Variants in CTPS2 observed in about 807,000 individuals in gnomAD.
CTPS2 encodes CTP synthase 2.
A neutral mutation model predicts 46.8 loss-of-function variants in CTPS2; 19 were observed. The observed-to-expected ratio is 0.41, with a 90% CI of 0.28 to 0.60. The LOEUF (loss-of-function observed/expected upper bound fraction) is 0.60. Among genes scored for constraint, CTPS2 ranks in the 20% least tolerant of loss-of-function variants. The probability of loss-of-function intolerance (pLI) is 0.35; values close to 1 mark genes in which losing one functional copy is unlikely to be tolerated. For synonymous variants in CTPS2, 151 were observed against 165.2 expected (o/e 0.91, Z 0.66); for missense variants, 286 against 447.6 (o/e 0.64, Z 3.26).
intron 14 of CTPS2, among the ~76,000 whole-genome samples, chrX:16,622,262 C>T (rs1025797340): frequency 2.0e-4 from 22 of 108,433 alleles, no homozygotes; most frequent in African/African-American, 7.4e-4. Flanking sequence ...ATTAGCCCAG[C>T]GTGGTGGTGC....
chrX:16,696,704 G>A (rs1041081337), intron 4 of CTPS2, among the ~76,000 whole-genome samples: 1 of 110,685 alleles, frequency 9.0e-6, no homozygotes, highest in African/African-American at 3.3e-5. Context: ...GCAACATAGC[G>A]AGACCCTATC....
intron 17 of CTPS2, among the ~76,000 whole-genome samples, chrX:16,595,292 T>A (rs1485828787): frequency 9.0e-6 from 1 of 111,445 alleles, no homozygotes; most frequent in Admixed American, 9.6e-5. Flanking sequence ...CTTGTTACAT[T>A]TGAAGAGAGG....
At chrX:16,631,160 C>T (rs1305960936) in intron 14 of CTPS2, among the ~76,000 whole-genome samples, 1 of 111,092 alleles carries the variant, frequency 9.0e-6, no homozygotes, top group African/African-American at 3.3e-5. Context: ...ACCAGCCTGA[C>T]CAATATGGTG....
intron 17 of CTPS2, among the ~76,000 whole-genome samples, chrX:16,595,759 C>A (rs1233222752): frequency 8.9e-6 from 1 of 112,471 alleles, no homozygotes; most frequent in Non-Finnish European, 1.9e-5. Context: ...GATTATAGAA[C>A]ATTTCTACCA....
At chrX:16,660,935 A>C in intron 13 of CTPS2, among the ~76,000 whole-genome samples, 1 of 110,361 alleles carries the variant, frequency 9.1e-6, no homozygotes, top group Admixed American at 9.7e-5. Flanking sequence ...GTCTGTAAAA[A>C]GCTATTTAAC....
At chrX:16,685,272 C>T (rs1320724615) in intron 8 of CTPS2, among the ~76,000 whole-genome samples, 1 of 111,706 alleles carries the variant, frequency 9.0e-6, no homozygotes, top group Non-Finnish European at 1.9e-5. Context: ...GGAAGCAGCA[C>T]TGGGGTCAGT....
At chrX:16,631,174 C>G (rs1001402997) in intron 14 of CTPS2, among the ~76,000 whole-genome samples, 1 of 110,989 alleles carries the variant, frequency 9.0e-6, no homozygotes, top group African/African-American at 3.3e-5. Context: ...TATGGTGAAA[C>G]CCGTCTCTAC....
chrX:16,656,566 C>T (rs764151330), intron 13 of CTPS2, among the ~76,000 whole-genome samples: 114 of 111,150 alleles, frequency 1.0e-3, no homozygotes, highest in Non-Finnish European at 1.9e-3. Flanking sequence ...CCCGCCACCA[C>T]GCCCGGCTAA....
At chrX:16,621,301 C>CG (rs1930817350) in intron 14 of CTPS2, among the ~76,000 whole-genome samples, 1 of 4,604 alleles carries the variant, frequency 2.2e-4, no homozygotes, top group African/African-American at 1.0e-3. Context: ...CGGGGCTTGT[C>CG]GGGGGGTAGG....
At chrX:16,695,841 A>G (rs1924088562) in intron 4 of CTPS2, among the ~76,000 whole-genome samples, 1 of 110,062 alleles carries the variant, frequency 9.1e-6, no homozygotes, top group East Asian at 2.9e-4. Context: ...GTGAGCCACC[A>G]CACCCGGCCC....
intron 13 of CTPS2, among the ~76,000 whole-genome samples, chrX:16,641,233 A>T (rs1932064629): frequency 8.9e-6 from 1 of 111,959 alleles, no homozygotes; most frequent in African/African-American, 3.2e-5. Context: ...CTTCCATTTA[A>T]GTTTCAGACA....
chrX:16,679,944 C>A (rs1390498852), intron 9 of CTPS2, among the ~76,000 whole-genome samples: 1 of 111,461 alleles, frequency 9.0e-6, no homozygotes, highest in Non-Finnish European at 1.9e-5. Context: ...TGAGACACCA[C>A]TGAAAGATCT....
chrX:16,605,758 C>T (rs981385340), intron 17 of CTPS2, among the ~76,000 whole-genome samples: 7 of 112,800 alleles, frequency 6.2e-5, no homozygotes, highest in Non-Finnish European at 1.3e-4. Context: ...GCTATGAGTA[C>T]AGCTATATTC....
intron 10 of CTPS2, 104 bp from the exon 11 acceptor site, chrX:16,670,778 G>C: frequency 2.0e-6 from 1 of 488,331 alleles, no homozygotes; most frequent in Non-Finnish European, 3.4e-6. Flanking sequence ...TAGTGACTAT[G>C]CTCAAGCTCT....
At chrX:16,681,111 A>G (rs1379415404) in intron 9 of CTPS2, among the ~76,000 whole-genome samples, 2 of 111,748 alleles carry the variant, frequency 1.8e-5, no homozygotes, top group African/African-American at 6.5e-5. Context: ...ACTTGAACCC[A>G]GAAGGCAGAG....
Position 16,609,627 on chromosome X carries a change from C to A in CTPS2, c.1605G>T (p.Lys535Asn). The A allele has an allele frequency of 8.3e-7, 1 of 1,210,887 alleles. No individual in the cohort carries two copies. The highest frequency in any genetic ancestry group is 1.1e-6 in the Non-Finnish European group (1 of 894,956). Residue 535 changes from lysine to asparagine, a missense_variant, in exon 17 of 19, where the codon AAG (lysine) becomes AAT (asparagine). Transcript: ENST00000359276. ...FHPEFSSRPM[K>N]PSPPYLGLLL... ...ACAGCCCCAGATACGGAGGGGAAGG[C>A]TTCATCGGCCTAGAAGAAAACTCAG... is the stretch of plus-strand genomic sequence containing the variant.
intron 13 of CTPS2, chrX:16,654,287 A>G: frequency 2.2e-6 from 1 of 449,737 alleles, no homozygotes; most frequent in African/African-American, 2.4e-5. Context: ...TGTCACTGGA[A>G]ACCTGAGCTG....
At chrX:16,620,418 A>G (rs1255959420) in intron 14 of CTPS2, 86 bp from the exon 15 acceptor site, 1 of 635,870 alleles carries the variant, frequency 1.6e-6, no homozygotes, top group East Asian at 3.3e-5. Flanking sequence ...AAGTGCCTGG[A>G]TCACTATCTA....
intron 9 of CTPS2, among the ~76,000 whole-genome samples, chrX:16,682,633 T>C (rs1410547569): frequency 8.9e-6 from 1 of 112,206 alleles, no homozygotes; most frequent in African/African-American, 3.2e-5. Context: ...AGAAGCTCAC[T>C]GTGCTGAAAG....
Sources: gnomAD v4.1 joint callset for allele counts (sites outside exome capture counted in the v4.1 genomes callset) on GRCh38, gnomAD v4.1.1 for gene constraint, MANE v1.5 for transcripts, NCBI Gene and HGNC (gene_info 2026-07-23, HGNC 2026-07-21) for gene names.